Variants in RBFOX1 observed in about 807,000 individuals in gnomAD.
RBFOX1 encodes the protein RNA binding fox-1 homolog 1.
Under a neutral mutation model 57.7 loss-of-function variants are expected in RBFOX1, and 8 were observed. That is an observed-to-expected ratio of 0.14 (90% CI 0.08 to 0.25). The LOEUF (loss-of-function observed/expected upper bound fraction) is 0.25, where lower values mean the gene tolerates loss of function less well. RBFOX1 is among the 10% of genes least tolerant of loss of function. The pLI, the probability that RBFOX1 is intolerant of heterozygous loss-of-function variation, is 1.00. For missense variants in RBFOX1, 611 were observed against 548.5 expected (o/e 1.11, Z -1.14); for synonymous variants, 326 against 222.4 (o/e 1.47, Z -4.15).
chr16:5,926,835 C>G (rs1033436238), intron 4 of RBFOX1, among the ~76,000 whole-genome samples: 2 of 152,162 alleles, frequency 1.3e-5, no homozygotes, highest in African/African-American at 4.8e-5. Context: ...TCCTTTCCTC[C>G]TACATTCTCA....
chr16:6,941,296 CTCCCTCCTTCCT>C (rs1355387375), intron 3 of RBFOX1, among the ~76,000 whole-genome samples: 1,713 of 64,564 alleles, frequency 0.027, 53 homozygotes, highest in African/African-American at 0.095. Flanking sequence ...CCTTCCCTCC[CTCCCTCCTTCCT>C]TCCTTCCTTC....
At chr16:5,279,018 G>C (rs1413168958) in intron 1 of RBFOX1, among the ~76,000 whole-genome samples, 2 of 152,262 alleles carry the variant, frequency 1.3e-5, no homozygotes, top group African/African-American at 4.8e-5. Flanking sequence ...AAATCAGGTA[G>C]TGTGAGGCTT....
intron 4 of RBFOX1, among the ~76,000 whole-genome samples, chr16:7,115,416 T>C (rs1012020250): frequency 6.6e-6 from 1 of 152,214 alleles, no homozygotes; most frequent in Non-Finnish European, 1.5e-5. Context: ...TTGCCTTAGT[T>C]ACCTATTGCT....
chr16:5,665,246 T>G (rs2049801889), intron 3 of RBFOX1, among the ~76,000 whole-genome samples: 1 of 152,118 alleles, frequency 6.6e-6, no homozygotes, highest in African/African-American at 2.4e-5. Context: ...CCACTGCTTC[T>G]GGCCAACCTC....
chr16:7,612,019 G>A (rs2057567337), intron 10 of RBFOX1, among the ~76,000 whole-genome samples: 1 of 152,004 alleles, frequency 6.6e-6, no homozygotes, highest in Non-Finnish European at 1.5e-5. Flanking sequence ...AGTCCTTGAG[G>A]CTTATTCAAG....
intron 4 of RBFOX1, among the ~76,000 whole-genome samples, chr16:6,000,534 G>A (rs972975738): frequency 9.9e-5 from 15 of 152,254 alleles, no homozygotes; most frequent in Admixed American, 2.6e-4. Context: ...AAATAAGGGC[G>A]AAAACTCTAT....
At chr16:6,326,372 A>G (rs1186502521) in intron 2 of RBFOX1, among the ~76,000 whole-genome samples, 1 of 152,188 alleles carries the variant, frequency 6.6e-6, no homozygotes, top group African/African-American at 2.4e-5. Context: ...TCCATGTGAG[A>G]TTAACTATCA....
chr16:7,440,184 C>G (rs571750011), intron 4 of RBFOX1, among the ~76,000 whole-genome samples: 1 of 152,054 alleles, frequency 6.6e-6, no homozygotes, highest in South Asian at 2.1e-4. Context: ...ATGTGAGACA[C>G]TGTGTCTGGC....
At position 6,619,273 on chromosome 16, in the gene RBFOX1, G is replaced by A. The variant is rs1026128373; in HGVS notation, c.-63-35330G>A. 2.0e-5 allele frequency among the ~76,000 whole-genome samples: 3 copies of A among 152,086 alleles called. No individual in the cohort carries two copies. In the South Asian group the frequency reaches 6.2e-4, roughly 32 times the overall value. On this transcript the variant is annotated intron_variant, in intron 2 of 15. Coordinates refer to ENST00000550418, the MANE Select transcript of RBFOX1 (RefSeq NM_018723.4). ...TGCCAAACAACTCTAATAATTTCAG[G>A]TTCCATGATAATGAGTTGGTGGCCT...
chr16:7,688,333 A>G (rs893374604), intron 14 of RBFOX1, among the ~76,000 whole-genome samples: 1 of 151,954 alleles, frequency 6.6e-6, no homozygotes, highest in African/African-American at 2.4e-5. Flanking sequence ...TATGAGTGAT[A>G]TCGATCCTGA....
chr16:7,691,411 A>G (rs2077294895), intron 14 of RBFOX1, among the ~76,000 whole-genome samples: 1 of 151,758 alleles, frequency 6.6e-6, no homozygotes. Context: ...AGGGAAAATG[A>G]AAGGAGAGAA....
intron 5 of RBFOX1, among the ~76,000 whole-genome samples, chr16:7,528,670 C>G (rs1234783055): frequency 1.3e-5 from 2 of 152,212 alleles, no homozygotes; most frequent in South Asian, 2.1e-4. Context: ...TTCCAGTGAA[C>G]TTAGAAATAG....
intron 4 of RBFOX1, among the ~76,000 whole-genome samples, chr16:7,223,144 G>T (rs2092851997): frequency 6.6e-6 from 1 of 152,208 alleles, no homozygotes. Flanking sequence ...AAGGGTAGAA[G>T]GGCTGAAGCG....
chr16:5,312,204 A>G (rs1044016406), intron 1 of RBFOX1, among the ~76,000 whole-genome samples: 3 of 152,244 alleles, frequency 2.0e-5, no homozygotes, highest in Admixed American at 6.5e-5. Flanking sequence ...AGTGAAGCTT[A>G]CTTCGGGTGA....
At chr16:5,606,034 T>C (rs1427241652) in intron 3 of RBFOX1, among the ~76,000 whole-genome samples, 1 of 152,190 alleles carries the variant, frequency 6.6e-6, no homozygotes, top group Non-Finnish European at 1.5e-5. Flanking sequence ...TGTCTTACTC[T>C]CAATCTGAAG....
At chr16:5,484,818 A>T (rs2069669120) in intron 2 of RBFOX1, among the ~76,000 whole-genome samples, 1 of 151,900 alleles carries the variant, frequency 6.6e-6, no homozygotes, top group African/African-American at 2.4e-5. Context: ...AGGCTGAGGC[A>T]GGAGAATCAC....
intron 2 of RBFOX1, among the ~76,000 whole-genome samples, chr16:6,410,903 A>T (rs919035733): frequency 1.3e-5 from 2 of 152,172 alleles, no homozygotes. Flanking sequence ...AGTTGGGGAT[A>T]AAAAGGAACA....
At chr16:6,313,113 C>A (rs560673207) in intron 1 of RBFOX1, among the ~76,000 whole-genome samples, 1 of 152,230 alleles carries the variant, frequency 6.6e-6, no homozygotes, top group African/African-American at 2.4e-5. Context: ...CCAGGCATCC[C>A]TGTGGCAGGT....
chr16:7,211,323 C>T (rs925564436), intron 4 of RBFOX1, among the ~76,000 whole-genome samples: 9 of 140,768 alleles, frequency 6.4e-5, no homozygotes, highest in Non-Finnish European at 9.0e-5. Context: ...ACCTGGGAGG[C>T]GGAGCTTGCA....
Sources: gnomAD v4.1 joint callset for allele counts (sites outside exome capture counted in the v4.1 genomes callset) on GRCh38, gnomAD v4.1.1 for gene constraint, MANE v1.5 for transcripts, NCBI Gene and HGNC (gene_info 2026-07-23, HGNC 2026-07-21) for gene names.